Variants in THAP6 observed in about 807,000 individuals in gnomAD.
The protein encoded by THAP6 is THAP domain-containing protein 6.
THAP6 carries 13 observed loss-of-function variants against 20.0 expected under a neutral mutation model. The observed-to-expected ratio is 0.65, with a 90% confidence interval of 0.42 to 1.03. The LOEUF (loss-of-function observed/expected upper bound fraction) is 1.03, where lower values mean the gene tolerates loss of function less well. Among genes scored for constraint, THAP6 ranks in the 50% least tolerant of loss-of-function variants. The probability of loss-of-function intolerance (pLI) is 0.00; values close to 1 mark genes in which losing one functional copy is unlikely to be tolerated. For synonymous variants in THAP6, 93 were observed against 92.2 expected (o/e 1.01, Z -0.05); for missense variants, 262 against 261.6 (o/e 1.00, Z -0.01).
At chr4:75,546,923 A>G (rs1310842380) in intron 3 of THAP6, among the ~76,000 whole-genome samples, 4 of 152,232 alleles carry the variant, frequency 2.6e-5, no homozygotes, top group African/African-American at 9.6e-5. Context: ...TTGACCAACT[A>G]TCTGGGTACT....
At chr4:75,537,531 C>T (rs1726895576) in intron 2 of THAP6, among the ~76,000 whole-genome samples, 1 of 152,068 alleles carries the variant, frequency 6.6e-6, no homozygotes, top group African/African-American at 2.4e-5. Context: ...TCCTTGCATT[C>T]TGCCATGATT....
In THAP6 at chr4:75,528,094, A is replaced by C. The variant is rs1726493033; in HGVS notation, c.*880A>C. ...ATTTTAAAAAAATACAAAATACAAA[A>C]GAAACCATTAGAAATTAATAACTGT... is the stretch of plus-strand genomic sequence containing the variant. On this transcript the variant is annotated 3_prime_UTR_variant, in exon 5 of 5. Transcript: ENST00000311638. 1.0e-6 allele frequency: 1 copy of C among 984,654 alleles called. No homozygotes were observed. The highest frequency in any genetic ancestry group is 1.2e-6 in the Non-Finnish European group (1 of 829,328). The allele number at this position is 984,654 out of a possible 1,614,324, so 61.0% of individuals were successfully genotyped here.
chr4:75,537,224 G>A (rs548416470), intron 2 of THAP6, among the ~76,000 whole-genome samples: 143 of 152,204 alleles, frequency 9.4e-4, no homozygotes, highest in Non-Finnish European at 1.6e-3. Flanking sequence ...AAAGAATAAT[G>A]CCCCCTGCAA....
intron 2 of THAP6, chr4:75,539,731 C>A: frequency 1.4e-6 from 2 of 1,380,210 alleles, no homozygotes; most frequent in Non-Finnish European, 1.9e-6. Context: ...TGAGCACTTA[C>A]AAAGTAGACA....
At position 75,528,448 on chromosome 4, in the gene THAP6, A is replaced by G. The variant is rs749672335; in HGVS notation, c.*1234A>G. ...ATACATGGACCTCATTCAGAAGTCCATGTTGTAGCAGTTAGAATTTGAGTA... is the reference window on the plus strand; with the variant it reads ...ATACATGGACCTCATTCAGAAGTCCGTGTTGTAGCAGTTAGAATTTGAGTA... On this transcript the variant is annotated 3_prime_UTR_variant, in exon 5 of 5. Transcript: ENST00000311638. The G allele has an allele frequency of 1.7e-5, 17 of 985,292 alleles. No homozygotes were observed. Among genetic ancestry groups the G allele is most frequent in the Admixed American group, 6.1e-5 (1 of 16,266 alleles). 61.0% of individuals were successfully genotyped at this position (985,292 alleles called of 1,614,324 possible).
chr4:75,518,833 A>C (rs1419263282), intron 3 of THAP6, among the ~76,000 whole-genome samples: 1 of 152,272 alleles, frequency 6.6e-6, no homozygotes, highest in Non-Finnish European at 1.5e-5. Flanking sequence ...TTTCTAAAAA[A>C]GCATCCCAAT....
intron 3 of THAP6, among the ~76,000 whole-genome samples, chr4:75,518,983 A>C (rs559911649): frequency 1.1e-4 from 16 of 152,308 alleles, no homozygotes; most frequent in African/African-American, 3.8e-4. Flanking sequence ...ATGAGTTTTC[A>C]CAAAGTGGGT....
At position 75,529,889 on chromosome 4, in the gene THAP6, A is replaced by G; in HGVS notation, c.*2675A>G. On this transcript the variant is annotated 3_prime_UTR_variant, in exon 5 of 5. Transcript: ENST00000311638. Reference sequence around the variant, plus strand: ...CTAATGACAATTACAGTTATACCATAGTCTGTAATTTGAGAAAAGGTGAAA... The same window carrying G: ...CTAATGACAATTACAGTTATACCATGGTCTGTAATTTGAGAAAAGGTGAAA... 1 of 968,436 alleles carries G rather than the reference A, an allele frequency of 1.0e-6. No individual in the cohort carries two copies. The highest frequency in any genetic ancestry group is 1.2e-6 in the Non-Finnish European group (1 of 814,458). 60.0% of individuals were successfully genotyped at this position (968,436 alleles called of 1,614,324 possible). A position where few individuals can be genotyped will look rare whatever the true frequency, so the allele number is the denominator to read the frequency against.
At chr4:75,514,312 C>A, upstream of THAP6, 1 of 1,600,846 alleles carries the variant, frequency 6.2e-7, no homozygotes, top group African/African-American at 1.3e-5. Flanking sequence ...TCACATTCCA[C>A]CGATCCTTCC....
chr4:75,527,606 C>G lies in THAP6; in HGVS notation c.*392C>G. ...ACTTACATGTGCTTTATGGTAAGTA[C>G]ATTGAATTTTACTTTAAATGCATTT... is the stretch of plus-strand genomic sequence containing the variant. On this transcript the variant is annotated 3_prime_UTR_variant, in exon 5 of 5. Coordinates refer to ENST00000311638, the MANE Select transcript of THAP6 (RefSeq NM_144721.6). The G allele has an allele frequency of 9.9e-7, 1 of 1,008,006 alleles. No homozygotes were observed. Among genetic ancestry groups the G allele is most frequent in the Non-Finnish European group, 1.2e-6 (1 of 842,982 alleles). 62.4% of individuals were successfully genotyped at this position (1,008,006 alleles called of 1,614,324 possible). A position where few individuals can be genotyped will look rare whatever the true frequency, so the allele number is the denominator to read the frequency against.
At chr4:75,514,461 G>A (rs1725353028), upstream of THAP6, 1 of 637,392 alleles carries the variant, frequency 1.6e-6, no homozygotes, top group Non-Finnish European at 2.6e-6. Context: ...GCTACGAGGC[G>A]GAAGCGAAGG....
At chr4:75,532,902 C>T (rs1560550241), downstream of THAP6, among the ~76,000 whole-genome samples, 1 of 152,182 alleles carries the variant, frequency 6.6e-6, no homozygotes, top group Non-Finnish European at 1.5e-5. Context: ...ATACTTTCCT[C>T]CTAGGCCTCC....
intron 2 of THAP6, 143 bp downstream of exon 2, chr4:75,515,675 G>T (rs1725542627): frequency 5.7e-6 from 4 of 706,924 alleles, no homozygotes; most frequent in Non-Finnish European, 9.8e-6. Flanking sequence ...GTGACAATGT[G>T]ATACCTTTAC....
intron 3 of THAP6, among the ~76,000 whole-genome samples, chr4:75,521,272 A>G (rs1308086653): frequency 6.6e-6 from 1 of 151,826 alleles, no homozygotes; most frequent in East Asian, 1.9e-4. Context: ...TCTTTTTTAC[A>G]TAAAATTTCA....
chr4:75,516,339 T>C (rs572240361), intron 2 of THAP6, among the ~76,000 whole-genome samples: 30 of 152,352 alleles, frequency 2.0e-4, no homozygotes, highest in African/African-American at 6.7e-4. Context: ...TATTAAATGC[T>C]GTACTAAGCA....
At chr4:75,538,468 T>A (rs1196446824) in intron 2 of THAP6, among the ~76,000 whole-genome samples, 1 of 151,718 alleles carries the variant, frequency 6.6e-6, no homozygotes, top group Admixed American at 6.6e-5. Flanking sequence ...TAAATTCTAC[T>A]TGTAGAGGGC....
chr4:75,533,666 G>A (rs990301864), downstream of THAP6, among the ~76,000 whole-genome samples: 1 of 152,170 alleles, frequency 6.6e-6, no homozygotes, highest in African/African-American at 2.4e-5. Context: ...AATCATGGTG[G>A]AAGGCAAGGA....
intron 3 of THAP6, among the ~76,000 whole-genome samples, chr4:75,545,708 G>A (rs563009525): frequency 3.3e-5 from 5 of 152,280 alleles, no homozygotes; most frequent in Non-Finnish European, 4.4e-5. Context: ...ATTACTCACC[G>A]TGGCTCTGTG....
chr4:75,542,531 A>C, intron 3 of THAP6: 1 of 697,874 alleles, frequency 1.4e-6, no homozygotes, highest in African/African-American at 1.8e-5. Context: ...TAACTCATTT[A>C]ACTTCACAAC....
Sources: allele counts gnomAD v4.1 joint callset (sites outside exome capture counted in the v4.1 genomes callset), GRCh38; gene constraint gnomAD v4.1.1; transcripts MANE v1.5; gene names NCBI Gene and HGNC (gene_info 2026-07-23, HGNC 2026-07-21).